Variants in TMEM232 observed in about 807,000 individuals in gnomAD.
TMEM232 encodes the protein transmembrane protein 232.
TMEM232 carries 80 observed loss-of-function variants against 78.8 expected under a neutral mutation model. The observed-to-expected ratio is 1.01, with a 90% CI of 0.85 to 1.22. The LOEUF (loss-of-function observed/expected upper bound fraction) is 1.22. Ranked by LOEUF, TMEM232 falls within the 50% of genes most tolerant of loss-of-function variation. The pLI is 0.00. For synonymous variants in TMEM232, 297 were observed against 254.3 expected (o/e 1.17, Z -1.60); for missense variants, 881 against 742.2 (o/e 1.19, Z -2.17).
chr5:110,668,026 G>C (rs1465269750), intron 1 of TMEM232, among the ~76,000 whole-genome samples: 2 of 151,644 alleles, frequency 1.3e-5, no homozygotes, highest in Non-Finnish European at 2.9e-5. Context: ...ATGAAGTAAT[G>C]AAATGGGTAG....
Position 110,488,720 on chromosome 5 carries a change from T to C in TMEM232, c.1703+39868A>G, listed in dbSNP as rs565182776. 2.0e-5 allele frequency among the ~76,000 whole-genome samples: 3 copies of C among 151,904 alleles called. No individual in the cohort carries two copies. In the South Asian group the frequency reaches 6.2e-4, roughly 31 times the overall value. ...TAATGAAATAAGCTTAGAGTGGAGA[T>C]AAATAAAATAGAAAATAGTAAACAA... On this transcript the variant is annotated intron_variant, in intron 12 of 13. Transcript: ENST00000455884.
intron 12 of TMEM232, among the ~76,000 whole-genome samples, chr5:110,492,417 G>A (rs115159158): frequency 4.0e-5 from 6 of 151,714 alleles, no homozygotes; most frequent in African/African-American, 1.2e-4. Context: ...GTTACATAAC[G>A]AATCAAAAAT....
At chr5:110,485,409 G>A (rs1272817011) in intron 12 of TMEM232, among the ~76,000 whole-genome samples, 1 of 152,022 alleles carries the variant, frequency 6.6e-6, no homozygotes, top group Non-Finnish European at 1.5e-5. Flanking sequence ...CACCTGAGAA[G>A]TATACACTGC....
intron 12 of TMEM232, among the ~76,000 whole-genome samples, chr5:110,492,998 G>T (rs892879163): frequency 1.3e-5 from 2 of 151,770 alleles, no homozygotes; most frequent in Non-Finnish European, 2.9e-5. Context: ...ATTAAAGCCA[G>T]GAGTCATAGA....
chr5:110,693,550 C>T (rs1029955517), intron 1 of TMEM232, among the ~76,000 whole-genome samples: 11 of 152,132 alleles, frequency 7.2e-5, no homozygotes, highest in Admixed American at 2.6e-4. Context: ...AAGTTAAAAA[C>T]CCTGAAAAAC....
At chr5:110,668,434 G>A (rs559753004) in intron 1 of TMEM232, among the ~76,000 whole-genome samples, 2 of 152,242 alleles carry the variant, frequency 1.3e-5, no homozygotes, top group South Asian at 2.1e-4. Flanking sequence ...ATCCGCCTGT[G>A]CTACTCATTT....
chr5:110,410,618 C>T (rs548383979), intron 2 of TMEM232, among the ~76,000 whole-genome samples: 1 of 152,316 alleles, frequency 6.6e-6, no homozygotes, highest in South Asian at 2.1e-4. Context: ...TAATAGTTCT[C>T]ATATTCCTTT....
chr5:110,417,794 C>T (rs1756298974), downstream of TMEM232: 2 of 152,086 alleles, frequency 1.3e-5, no homozygotes. Flanking sequence ...CCCTTGTTTT[C>T]TCTGCTTTGT....
chr5:110,610,024 G>A (rs988021911), intron 8 of TMEM232, among the ~76,000 whole-genome samples: 4 of 151,988 alleles, frequency 2.6e-5, no homozygotes, highest in East Asian at 1.9e-4. Flanking sequence ...CCTTGATGCC[G>A]AGATGAAAGG....
upstream of TMEM232, chr5:110,738,213 C>T (rs1380880937): frequency 7.8e-7 from 1 of 1,286,412 alleles, no homozygotes; most frequent in East Asian, 5.6e-5. Flanking sequence ...GGGGAGGGAG[C>T]CTGGCCCAAG....
chr5:110,411,629 A>G (rs1402389501), intron 2 of TMEM232, among the ~76,000 whole-genome samples: 2 of 152,172 alleles, frequency 1.3e-5, no homozygotes, highest in African/African-American at 4.8e-5. Flanking sequence ...TGAAACCACC[A>G]TTCTACTTTT....
intron 2 of TMEM232, among the ~76,000 whole-genome samples, chr5:110,655,664 C>T (rs1248033771): frequency 1.4e-4 from 21 of 150,152 alleles, no homozygotes; most frequent in Admixed American, 1.4e-3. Context: ...CCCAAATGTC[C>T]AACAATGATA....
At chr5:110,680,526 C>T (rs1444371177) in intron 1 of TMEM232, among the ~76,000 whole-genome samples, 1 of 149,066 alleles carries the variant, frequency 6.7e-6, no homozygotes, top group African/African-American at 2.5e-5. Context: ...TAATCTTTTT[C>T]TTGGTCTTCT....
chr5:110,688,635 A>G (rs1489990712), intron 1 of TMEM232, among the ~76,000 whole-genome samples: 2 of 152,294 alleles, frequency 1.3e-5, no homozygotes, highest in African/African-American at 2.4e-5. Flanking sequence ...TATAGATGGG[A>G]CAATTGACCC....
chr5:110,474,954 T>C (rs187512709), intron 12 of TMEM232, among the ~76,000 whole-genome samples: 6 of 152,102 alleles, frequency 3.9e-5, no homozygotes, highest in Admixed American at 1.3e-4. Flanking sequence ...AAACAATTTT[T>C]CAGTGCAGTA....
intron 11 of TMEM232, among the ~76,000 whole-genome samples, chr5:110,543,815 T>G (rs898072033): frequency 6.6e-6 from 1 of 152,152 alleles, no homozygotes; most frequent in African/African-American, 2.4e-5. Flanking sequence ...GGTTATAACA[T>G]AACTTTTACA....
At chr5:110,675,754 C>A (rs539849596) in intron 1 of TMEM232, among the ~76,000 whole-genome samples, 3 of 152,286 alleles carry the variant, frequency 2.0e-5, no homozygotes, top group African/African-American at 7.2e-5. Context: ...TAATTAATAT[C>A]TCCATTACTT....
chr5:110,734,498 C>T (rs140882362), intron 2 of TMEM232, among the ~76,000 whole-genome samples: 177 of 152,312 alleles, frequency 1.2e-3, no homozygotes, highest in Admixed American at 3.9e-3. Flanking sequence ...TATGGACATA[C>T]AGTATAATAC....
intron 12 of TMEM232, among the ~76,000 whole-genome samples, chr5:110,502,405 T>C (rs1766366922): frequency 6.6e-6 from 1 of 152,178 alleles, no homozygotes; most frequent in African/African-American, 2.4e-5. Flanking sequence ...AGCAAAGGAA[T>C]TTTCAATAAT....
Sources: allele counts gnomAD v4.1 joint callset (sites outside exome capture counted in the v4.1 genomes callset), GRCh38; gene constraint gnomAD v4.1.1; transcripts MANE v1.5; gene names NCBI Gene and HGNC (gene_info 2026-07-23, HGNC 2026-07-21).